PDK3: variants seen among roughly 807,000 people sequenced by gnomAD.
PDK3 encodes the protein pyruvate dehydrogenase kinase, isozyme 3.
In PDK3, 12 loss-of-function variants were observed where a neutral mutation model predicts 32.0. The ratio of observed to expected loss-of-function variants is 0.37; its 90% CI spans 0.24 to 0.61. The LOEUF is 0.61. PDK3 is among the 20% of genes least tolerant of loss of function. The pLI is 0.65. For synonymous variants in PDK3, 122 were observed against 116.3 expected, an observed-to-expected ratio of 1.05 and a Z score of -0.31; for missense variants, 188 against 316.9, an observed-to-expected ratio of 0.59 and a Z score of 3.09.
At chrX:24,494,394 C>T (rs1193906105) in intron 1 of PDK3, among the ~76,000 whole-genome samples, 2 of 112,068 alleles carry the variant, frequency 1.8e-5, no homozygotes, top group Non-Finnish European at 3.8e-5. Flanking sequence ...TGGATTTACA[C>T]GTTCTGTTAC....
intron 3 of PDK3, among the ~76,000 whole-genome samples, chrX:24,499,606 A>T (rs1003100435): frequency 8.9e-6 from 1 of 111,947 alleles, no homozygotes; most frequent in African/African-American, 3.2e-5. Context: ...TGAACACCTG[A>T]CTTAATAGAT....
intron 1 of PDK3, among the ~76,000 whole-genome samples, chrX:24,480,371 C>CT (rs1315505236): frequency 8.9e-6 from 1 of 111,814 alleles, no homozygotes; most frequent in Non-Finnish European, 1.9e-5. Context: ...TTGAGGAGTT[C>CT]TTTGATTTGT....
chrX:24,548,311 C>A (rs915754334), exon 12 of PDK3: 7 of 111,930 alleles, frequency 6.3e-5, no homozygotes, highest in African/African-American at 2.3e-4. Flanking sequence ...ACAGAACAAC[C>A]CTGCAATTTG....
chrX:24,482,782 C>T (rs978543910), intron 1 of PDK3, among the ~76,000 whole-genome samples: 4 of 112,552 alleles, frequency 3.6e-5, no homozygotes, highest in Admixed American at 1.9e-4. Flanking sequence ...GCAGTATATA[C>T]AGACTTGTAC....
exon 12 of PDK3, among the ~76,000 whole-genome samples, chrX:24,541,099 C>T (rs754469275): frequency 1.9e-5 from 2 of 105,924 alleles, no homozygotes; most frequent in Non-Finnish European, 3.9e-5. Context: ...TTTGTAGAGA[C>T]GGGGTTTCAC....
chrX:24,539,271 C>A (rs1922841617), downstream of PDK3: 3 of 518,301 alleles, frequency 5.8e-6, no homozygotes, highest in Non-Finnish European at 9.7e-6. Context: ...CACAGTTATT[C>A]CTAGTGCTTA....
chrX:24,539,022 G>T, downstream of PDK3: 1 of 505,680 alleles, frequency 2.0e-6, no homozygotes, highest in South Asian at 3.0e-5. Context: ...TCTGAGATAT[G>T]GCAAGGGTTT....
At chrX:24,537,562 C>T (rs774765626), downstream of PDK3, among the ~76,000 whole-genome samples, 2 of 110,481 alleles carry the variant, frequency 1.8e-5, no homozygotes, top group East Asian at 5.6e-4. Flanking sequence ...TATTTTAAAT[C>T]ATAAGTTCAT....
At chrX:24,487,752 C>A (rs1231229401) in intron 1 of PDK3, among the ~76,000 whole-genome samples, 1 of 109,471 alleles carries the variant, frequency 9.1e-6, no homozygotes, top group Non-Finnish European at 1.9e-5. Flanking sequence ...CCAAACCACC[C>A]CCCAACCCCC....
At chrX:24,543,356 A>T in exon 12 of PDK3, among the ~76,000 whole-genome samples, 1 of 110,311 alleles carries the variant, frequency 9.1e-6, no homozygotes, top group African/African-American at 3.3e-5. Flanking sequence ...CCTCCATTTC[A>T]CTGACTGACT....
At chrX:24,529,943 T>C (rs1385025919) in intron 9 of PDK3, among the ~76,000 whole-genome samples, 1 of 111,681 alleles carries the variant, frequency 9.0e-6, no homozygotes, top group Non-Finnish European at 1.9e-5. Context: ...CTCCTGCTGA[T>C]CCTTTGACAC....
exon 12 of PDK3, among the ~76,000 whole-genome samples, chrX:24,540,633 G>A (rs1210902): frequency 0.17 from 18,384 of 109,555 alleles, 1,470 homozygotes; most frequent in Middle Eastern, 0.26. Context: ...GGGTAGTTCC[G>A]TTCATCTTTA....
exon 12 of PDK3, among the ~76,000 whole-genome samples, chrX:24,542,786 AC>A (rs1018886071): frequency 1.1e-4 from 12 of 111,892 alleles, no homozygotes; most frequent in African/African-American, 3.9e-4. Context: ...TCATACAAAG[AC>A]TCCACATTTG....
rs376172346 is a variant in PDK3, at chrX:24,527,478, G to T, written c.751-96G>T. 5.2e-4 allele frequency: 263 copies of T among 505,818 alleles called. No individual in the cohort carries two copies. The African/African-American group carries it at 5.6e-3, about 11-fold the overall frequency. 41.7% of individuals were successfully genotyped at this position (505,818 alleles called of 1,213,427 possible). On this transcript the variant is annotated intron_variant, in intron 7 of 10. Coordinates refer to ENST00000379162, the MANE Select transcript of PDK3 (RefSeq NM_005391.5). ...CCAACTAATATTTGCCCCAAAAAAG[G>T]GTTGTTGGGTATAAGTCATCTTGCG... is the stretch of plus-strand genomic sequence containing the variant.
chrX:24,543,036 C>T (rs184850743), exon 12 of PDK3, among the ~76,000 whole-genome samples: 6,996 of 111,552 alleles, frequency 0.063, 216 homozygotes, highest in African/African-American at 0.1. Flanking sequence ...TTTTCTTCCC[C>T]TTTTGTAGAT....
intron 1 of PDK3, among the ~76,000 whole-genome samples, chrX:24,490,779 C>T (rs1921535206): frequency 9.0e-6 from 1 of 111,333 alleles, no homozygotes; most frequent in Non-Finnish European, 1.9e-5. Flanking sequence ...AGATGAGAAG[C>T]TGACTATGGC....
At chrX:24,478,982 G>A (rs143654502) in intron 1 of PDK3, among the ~76,000 whole-genome samples, 1 of 112,122 alleles carries the variant, frequency 8.9e-6, no homozygotes, top group Admixed American at 9.4e-5. Context: ...GCCATGTGTT[G>A]CTGGCCAGAA....
intron 2 of PDK3, among the ~76,000 whole-genome samples, chrX:24,496,163 A>T (rs1319029809): frequency 9.0e-6 from 1 of 111,170 alleles, no homozygotes; most frequent in Non-Finnish European, 1.9e-5. Flanking sequence ...CCTACTTAAC[A>T]GAAGGGTTGT....
At chrX:24,474,545 C>G (rs902219669) in intron 1 of PDK3, among the ~76,000 whole-genome samples, 2 of 110,080 alleles carry the variant, frequency 1.8e-5, no homozygotes, top group African/African-American at 6.6e-5. Context: ...TCCCGAGTAC[C>G]TGGGACTACA....
Sources: gnomAD v4.1 joint callset for allele counts (sites outside exome capture counted in the v4.1 genomes callset) on GRCh38, gnomAD v4.1.1 for gene constraint, MANE v1.5 for transcripts, NCBI Gene and HGNC (gene_info 2026-07-23, HGNC 2026-07-21) for gene names.